The following PPP6R3 variants were observed in gnomAD, a reference collection of about 807,000 sequenced individuals.
The protein encoded by PPP6R3 is serine/threonine-protein phosphatase 6 regulatory subunit 3.
A neutral mutation model predicts 110.7 loss-of-function variants in PPP6R3; 38 were observed. The ratio of observed to expected loss-of-function variants is 0.34; its 90% CI spans 0.26 to 0.45. PPP6R3 has a LOEUF of 0.45. PPP6R3 is among the 20% of genes least tolerant of loss of function. PPP6R3 has a pLI of 1.00. For missense variants in PPP6R3, 870 were observed against 1,062.4 expected (o/e 0.82, Z 2.52); for synonymous variants, 369 against 373.5 (o/e 0.99, Z 0.14).
intron 1 of PPP6R3, among the ~76,000 whole-genome samples, chr11:68,496,985 G>A (rs1351940984): frequency 7.6e-6 from 1 of 131,226 alleles, no homozygotes; most frequent in African/African-American, 2.9e-5. Flanking sequence ...CTTCAACCTC[G>A]CGAGTAGCTG....
chr11:68,548,329 C>T (rs2099357307), intron 5 of PPP6R3, 125 bp downstream of exon 5: 1 of 1,294,896 alleles, frequency 7.7e-7, no homozygotes, highest in Non-Finnish European at 1.1e-6. Flanking sequence ...GTCTGGGGAG[C>T]CGGTAACAGG....
rs34666175 is a variant in PPP6R3 at position 68,542,389 on chromosome 11, G to GTTTTTTTTTT, written c.228-2436_228-2427dup. Among the ~76,000 whole-genome samples the GTTTTTTTTTT allele has an allele frequency of 4.4e-3, 175 of 40,188 alleles. 44 individuals are homozygous for GTTTTTTTTTT. Among genetic ancestry groups the GTTTTTTTTTT allele is most frequent in the African/African-American group, 9.3e-3 (90 of 9,638 alleles). 26.4% of individuals were successfully genotyped at this position (40,188 alleles called of 152,430 possible). A position where few individuals can be genotyped will look rare whatever the true frequency, so the allele number is the denominator to read the frequency against. ...ATCTTTGGGTGCTTGAGAAGCTGCTGTTTTTTTTTTTTTTTTTTTTTTAAG... is the reference window on the plus strand; with the variant it reads ...ATCTTTGGGTGCTTGAGAAGCTGCTGTTTTTTTTTTTTTTTTTTTTTTTTTTTTTTTTAAG... On this transcript the variant is annotated intron_variant, in intron 3 of 23. Transcript: ENST00000393800.
intron 17 of PPP6R3, 92 bp from the exon 18 acceptor site, chr11:68,591,484 T>C: frequency 8.0e-7 from 1 of 1,253,940 alleles, no homozygotes; most frequent in South Asian, 1.6e-5. Context: ...TGTAAAGCAG[T>C]GAAAAAATGC....
chr11:68,509,091 T>TTACTCTC (rs2099094233), intron 1 of PPP6R3, among the ~76,000 whole-genome samples: 2 of 152,248 alleles, frequency 1.3e-5, no homozygotes, highest in Non-Finnish European at 2.9e-5. Context: ...CTCCCAGTGT[T>TTACTCTC]TCAGAGTAGT....
At position 68,503,454 on chromosome 11, in the gene PPP6R3, A is replaced by AGAAG. The variant is rs1216503193; in HGVS notation, c.-157-16032_-157-16029dup. 5.9e-5 allele frequency among the ~76,000 whole-genome samples: 9 copies of AGAAG among 152,178 alleles called. No individual in the cohort carries two copies. The East Asian group carries it at 9.6e-4, about 16-fold the overall frequency. Reference sequence around the variant, plus strand: ...GCCTCTGTGTTATCAGTGGGACAGAAGAAGGAAGGAAGGAAGGAGAGGAGC... The same window carrying AGAAG: ...GCCTCTGTGTTATCAGTGGGACAGAAGAAGGAAGGAAGGAAGGAAGGAGAGGAGC... On this transcript the variant is annotated intron_variant, in intron 1 of 23. Transcript: ENST00000393800.
At chr11:68,463,520 C>T (rs577856195) in intron 1 of PPP6R3, among the ~76,000 whole-genome samples, 17 of 152,092 alleles carry the variant, frequency 1.1e-4, no homozygotes, top group Non-Finnish European at 2.1e-4. Context: ...GAGGCAGCCT[C>T]TGTGTGTGTT....
chr11:68,477,738 AAAAAT>A lies in PPP6R3; in HGVS notation c.-158+16913_-158+16917del, dbSNP rs1436762013. Among the ~76,000 whole-genome samples the A allele has an allele frequency of 3.1e-3, 270 of 88,480 alleles. 1 individual carries two copies. The highest frequency in any genetic ancestry group is 0.021 in the Middle Eastern group (4 of 192). The allele number at this position is 88,480 out of a possible 152,430, so 58.0% of individuals were successfully genotyped here. On this transcript the variant is annotated intron_variant, in intron 1 of 23. Coordinates refer to ENST00000393800, the MANE Select transcript of PPP6R3 (RefSeq NM_001164161.2). The stretch of plus-strand genomic sequence containing the variant: ...AGAGACATTGTCTCTTAAAAAAAAA[AAAAAT>A]ATATATATATATATATATATATATA...
Position 68,606,478 on chromosome 11 carries a change from GTT to G in PPP6R3, c.2450+3003_2450+3004del, listed in dbSNP as rs11344213. 3.1e-3 allele frequency among the ~76,000 whole-genome samples: 406 copies of G among 129,504 alleles called. 2 individuals are homozygous for G. Among genetic ancestry groups the G allele is most frequent in the African/African-American group, 0.011 (358 of 33,364 alleles). 85.0% of individuals were successfully genotyped at this position (129,504 alleles called of 152,430 possible). A position where few individuals can be genotyped will look rare whatever the true frequency, so the allele number is the denominator to read the frequency against. On this transcript the variant is annotated intron_variant, in intron 22 of 23. Transcript: ENST00000393800. The stretch of plus-strand genomic sequence containing the variant: ...CCACCATGCTCAGCAAATTTATGTA[GTT>G]TTTTTTTTTTTTTTTTGTAGTGATG...
chr11:68,513,824 C>T (rs908858318), intron 1 of PPP6R3, among the ~76,000 whole-genome samples: 1 of 152,156 alleles, frequency 6.6e-6, no homozygotes, highest in Non-Finnish European at 1.5e-5. Flanking sequence ...TGTGTGTAAG[C>T]GTTGTACATA....
At position 68,613,309 on chromosome 11, in the gene PPP6R3, T is replaced by C. The variant is rs1594222060; in HGVS notation, c.*192T>C. ...TCAGAAGTGTAAAAATATTGCACAT[T>C]GACAAATACCAAGAATTTTTGCGTA... On this transcript the variant is annotated 3_prime_UTR_variant, in exon 24 of 24. Transcript: ENST00000393800. 6.0e-6 allele frequency: 8 copies of C among 1,338,548 alleles called. 1 individual carries two copies. In the East Asian group the frequency reaches 2.0e-4, roughly 34 times the overall value. 82.9% of individuals were successfully genotyped at this position (1,338,548 alleles called of 1,614,324 possible). A position where few individuals can be genotyped will look rare whatever the true frequency, so the allele number is the denominator to read the frequency against.
intron 10 of PPP6R3, among the ~76,000 whole-genome samples, chr11:68,568,819 G>A (rs1204159635): frequency 6.6e-6 from 1 of 151,660 alleles, no homozygotes; most frequent in Non-Finnish European, 1.5e-5. Flanking sequence ...GCCCAGGCTG[G>A]AGTGCAGTGA....
intron 6 of PPP6R3, among the ~76,000 whole-genome samples, chr11:68,552,705 G>C (rs574220046): frequency 6.6e-6 from 1 of 152,334 alleles, no homozygotes; most frequent in African/African-American, 2.4e-5. Flanking sequence ...AGTGTGGCCT[G>C]CCCCGTTGAC....
intron 1 of PPP6R3, among the ~76,000 whole-genome samples, chr11:68,513,534 G>C (rs926158327): frequency 5.9e-5 from 9 of 152,206 alleles, no homozygotes; most frequent in African/African-American, 1.7e-4. Context: ...TGTACTTAAA[G>C]AGTTTGAAGA....
At chr11:68,558,513 G>T in intron 7 of PPP6R3, 53 bp from the exon 8 acceptor site, 1 of 1,181,832 alleles carries the variant, frequency 8.5e-7, no homozygotes, top group Non-Finnish European at 1.2e-6. Flanking sequence ...TTTTTCTGAG[G>T]TTGTTGGTGA....
intron 15 of PPP6R3, among the ~76,000 whole-genome samples, chr11:68,584,111 T>C (rs2099570804): frequency 6.6e-6 from 1 of 152,216 alleles, no homozygotes; most frequent in African/African-American, 2.4e-5. Context: ...ATTTCAGCAT[T>C]TGGCTGACTT....
At chr11:68,581,768 G>A (rs1172843349) in intron 14 of PPP6R3, among the ~76,000 whole-genome samples, 1 of 152,230 alleles carries the variant, frequency 6.6e-6, no homozygotes, top group Non-Finnish European at 1.5e-5. Context: ...CTTGACTCAA[G>A]CAGGTGCCGT....
intron 21 of PPP6R3, among the ~76,000 whole-genome samples, chr11:68,602,997 A>G (rs751914404): frequency 6.6e-6 from 1 of 152,152 alleles, no homozygotes; most frequent in Admixed American, 6.5e-5. Context: ...AAGTGAGTAG[A>G]GGGTAGAGTG....
At chr11:68,535,909 G>A (rs1407350427) in intron 2 of PPP6R3, among the ~76,000 whole-genome samples, 2 of 151,772 alleles carry the variant, frequency 1.3e-5, no homozygotes, top group Non-Finnish European at 2.9e-5. Context: ...AGAGGTTGCA[G>A]TGAGCTGAGA....
intron 1 of PPP6R3, among the ~76,000 whole-genome samples, chr11:68,516,590 A>C (rs988265133): frequency 6.6e-6 from 1 of 152,168 alleles, no homozygotes; most frequent in African/African-American, 2.4e-5. Flanking sequence ...TTGCCCATTC[A>C]TCTGTTGATG....
Sources: allele counts gnomAD v4.1 joint callset (sites outside exome capture counted in the v4.1 genomes callset), GRCh38; gene constraint gnomAD v4.1.1; transcripts MANE v1.5; gene names NCBI Gene and HGNC (gene_info 2026-07-23, HGNC 2026-07-21).